PHF3: variants seen among roughly 807,000 people sequenced by gnomAD.
PHF3 encodes the protein PHD finger protein 3.
PHF3 carries 41 observed loss-of-function variants against 178.4 expected under a neutral mutation model. That is an observed-to-expected ratio of 0.23 (90% CI 0.18 to 0.30). The LOEUF is 0.30. Among genes scored for constraint, PHF3 ranks in the 10% least tolerant of loss-of-function variants. PHF3 has a pLI of 1.00. For missense variants in PHF3, 2,346 were observed against 2,398.1 expected, an observed-to-expected ratio of 0.98 and a Z score of 0.45; for synonymous variants, 842 against 800.5, an observed-to-expected ratio of 1.05 and a Z score of -0.88.
In PHF3 at chr6:63,720,850, TTATG is replaced by T. The variant is rs1162806402; in HGVS notation, c.*7145_*7148del. 6.4e-7 allele frequency: 1 copy of T among 1,551,224 alleles called. No homozygotes were observed. The highest frequency in any genetic ancestry group is 1.4e-5 in the African/African-American group (1 of 73,130). On this transcript the variant is annotated 3_prime_UTR_variant, in exon 16 of 16. Coordinates refer to ENST00000262043, the MANE Select transcript of PHF3 (RefSeq NM_001370348.2). ...TCCTCGGAAAGAATTAGACTGTTATTTATGTAGGCCTTGATAAGAGTCTGATTTT... is the reference window on the plus strand; with the variant it reads ...TCCTCGGAAAGAATTAGACTGTTATTTAGGCCTTGATAAGAGTCTGATTTT...
chr6:63,659,387 T>C (rs1765371842), intron 2 of PHF3, among the ~76,000 whole-genome samples: 1 of 152,214 alleles, frequency 6.6e-6, no homozygotes, highest in South Asian at 2.1e-4. Context: ...CTTAGGATTT[T>C]TGAGAAAGTG....
In PHF3 at chr6:63,724,225, C is replaced by T. The variant is rs1231651382; in HGVS notation, c.*10517C>T. Among the ~76,000 whole-genome samples, 1 of 152,154 alleles carries T rather than the reference C, an allele frequency of 6.6e-6. No individual in the cohort carries two copies. The highest frequency in any genetic ancestry group is 1.5e-5 in the Non-Finnish European group (1 of 68,016). ...CTATTTAATGCCCACTCAACCATGGCTGAGGCTTCTCCCACCTTTGTTCTG... is the reference window on the plus strand; with the variant it reads ...CTATTTAATGCCCACTCAACCATGGTTGAGGCTTCTCCCACCTTTGTTCTG... On this transcript the variant is annotated 3_prime_UTR_variant, in exon 16 of 16. Transcript: ENST00000262043.
chr6:63,684,062 T>G, intron 3 of PHF3, 67 bp from the exon 4 acceptor site: 1 of 1,217,944 alleles, frequency 8.2e-7, no homozygotes, highest in Middle Eastern at 2.0e-4. Context: ...TATTCTAAAT[T>G]GTATTGAAAT....
At chr6:63,662,882 T>C (rs1765528798) in intron 2 of PHF3, among the ~76,000 whole-genome samples, 1 of 152,224 alleles carries the variant, frequency 6.6e-6, no homozygotes, top group South Asian at 2.1e-4. Context: ...AAGCTAATTT[T>C]CTATAAACAG....
intron 1 of PHF3, among the ~76,000 whole-genome samples, chr6:63,642,747 G>C (rs1310058688): frequency 1.3e-5 from 2 of 152,022 alleles, no homozygotes; most frequent in Non-Finnish European, 2.9e-5. Context: ...GCCAAATATA[G>C]GAAAGCATTT....
rs777077465 is a variant in PHF3, at chr6:63,684,465, T to G, written c.743T>G (p.Val248Gly). The stretch of plus-strand genomic sequence containing the variant: ...TGTAATAATCCGGGAGAAATAGATG[T>G]GCCATCTCATGAATTAAATTGTTCA... ...HKCNNPGEID[V>G]PSHELNCSLL... The change falls in exon 4 of 16, where the codon GTG becomes GGG. Residue 248 changes from valine to glycine, a missense_variant. This residue lies in a region of PHF3 where 843 missense variants were observed against 795.2 expected (regional missense o/e 1.06). Coordinates refer to ENST00000262043, the MANE Select transcript of PHF3 (RefSeq NM_001370348.2). 1.9e-6 allele frequency: 3 copies of G among 1,613,478 alleles called. No individual in the cohort carries two copies. Among genetic ancestry groups the G allele is most frequent in the Non-Finnish European group, 1.7e-6 (2 of 1,179,406 alleles).
chr6:63,685,859 A>G lies in PHF3; in HGVS notation c.2137A>G (p.Met713Val), dbSNP rs761549783. ...TAGCTCCTCATTTGAAAGCAAATAT[A>G]TGTGGACTCCCAGCAAGCAGTGTGG... Reference protein sequence around the residue: ...DHSSSFESKYMWTPSKQCGFC... With the variant: ...DHSSSFESKYVWTPSKQCGFC... Residue 713 changes from methionine (M) to valine (V), a missense_variant, in exon 4 of 16, where the codon ATG becomes GTG. Met to Val is a conservative substitution (Grantham distance 21). This residue lies in a region of PHF3 where 72 missense variants were observed against 110.5 expected (regional missense o/e 0.65). Transcript: ENST00000262043. 18 of 1,613,552 alleles carry G rather than the reference A, an allele frequency of 1.1e-5. No homozygotes were observed. Among genetic ancestry groups the G allele is most frequent in the East Asian group, 8.9e-5 (4 of 44,888 alleles).
At chr6:63,694,039 A>T (rs1373862599) in intron 5 of PHF3, among the ~76,000 whole-genome samples, 3 of 152,162 alleles carry the variant, frequency 2.0e-5, no homozygotes, top group African/African-American at 7.2e-5. Flanking sequence ...TATATGTCTG[A>T]CTATATAGCG....
intron 2 of PHF3, among the ~76,000 whole-genome samples, chr6:63,656,510 G>A (rs187802118): frequency 2.0e-5 from 3 of 152,254 alleles, no homozygotes; most frequent in East Asian, 3.9e-4. Flanking sequence ...TTTCTGTGCT[G>A]TTACAAGAGA....
At chr6:63,659,277 A>C (rs1024296671) in intron 2 of PHF3, among the ~76,000 whole-genome samples, 90 of 152,340 alleles carry the variant, frequency 5.9e-4, no homozygotes, top group African/African-American at 2.0e-3. Context: ...TAATTAAAAA[A>C]TCAAATTAAC....
chr6:63,709,191 C>T lies in PHF3; in HGVS notation c.3752C>T (p.Pro1251Leu). ...ATTCAAGTAGGTGGCAGGATATCAC[C>T]TCAGACAGTTTGGGATTATGTGGAA... is the stretch of plus-strand genomic sequence containing the variant. ...DSIQVGGRIS[P>L]QTVWDYVEKI... Residue 1251 changes from proline to leucine, a missense_variant, in exon 14 of 16, where the codon CCT becomes CTT. Pro to Leu is a moderately conservative substitution (Grantham distance 98, BLOSUM62 -3). Around this residue, in one of 8 missense-constraint regions of PHF3, gnomAD observed 90 missense variants for 136.6 expected, o/e 0.66. Coordinates refer to ENST00000262043, the MANE Select transcript of PHF3 (RefSeq NM_001370348.2). The T allele has an allele frequency of 2.5e-6, 4 of 1,611,020 alleles. No homozygotes were observed. The highest frequency in any genetic ancestry group is 3.4e-6 in the Non-Finnish European group (4 of 1,178,804).
At position 63,635,939 on chromosome 6, in the gene PHF3, G is replaced by T; in HGVS notation, c.-237G>T. The T allele has an allele frequency of 2.5e-6, 1 of 398,186 alleles. No individual in the cohort carries two copies. The highest frequency in any genetic ancestry group is 4.4e-6 in the Non-Finnish European group (1 of 225,766). 24.7% of individuals were successfully genotyped at this position (398,186 alleles called of 1,614,324 possible). On this transcript the variant is annotated 5_prime_UTR_variant, in exon 1 of 16. Transcript: ENST00000262043. ...TCAGGGCGGCGGCGGCTGCAACGAG[G>T]ATTAGGAGGGCGGCGCGGAAGCCAA...
chr6:63,686,777 T>C (rs977463430), intron 4 of PHF3, among the ~76,000 whole-genome samples: 5 of 152,212 alleles, frequency 3.3e-5, no homozygotes, highest in Non-Finnish European at 1.5e-5. Context: ...ATATTCTTCT[T>C]ATCCTTATTC....
chr6:63,692,175 G>A (rs1034464245), intron 5 of PHF3, 132 bp downstream of exon 5: 6 of 706,264 alleles, frequency 8.5e-6, no homozygotes, highest in Non-Finnish European at 1.4e-5. Context: ...TTCCATGAAA[G>A]TGAATAGGTT....
chr6:63,675,654 T>A (rs1323997056), intron 2 of PHF3, among the ~76,000 whole-genome samples: 1 of 152,196 alleles, frequency 6.6e-6, no homozygotes, highest in Non-Finnish European at 1.5e-5. Context: ...AAATCTTACC[T>A]TTGAGAAACA....
Position 63,635,893 on chromosome 6 carries a change from C to G in PHF3, c.-283C>G, listed in dbSNP as rs930101460. The G allele has an allele frequency of 1.5e-5, 6 of 397,788 alleles. No individual in the cohort carries two copies. Among genetic ancestry groups the G allele is most frequent in the African/African-American group, 1.0e-4 (5 of 48,570 alleles). The allele number at this position is 397,788 out of a possible 1,614,324, so 24.6% of individuals were successfully genotyped here. The stretch of plus-strand genomic sequence containing the variant: ...GTCTCGCGCCGTCGCACCGTCCCCA[C>G]GCGGCAAGCGACCTTCGGGCTCAGG... On this transcript the variant is annotated 5_prime_UTR_variant, in exon 1 of 16. Coordinates refer to ENST00000262043, the MANE Select transcript of PHF3 (RefSeq NM_001370348.2).
intron 2 of PHF3, among the ~76,000 whole-genome samples, chr6:63,661,502 G>A (rs191010728): frequency 6.6e-5 from 10 of 152,238 alleles, no homozygotes; most frequent in Middle Eastern, 3.4e-3. Flanking sequence ...AAACTGGAAA[G>A]AAATTTCAAC....
In PHF3 at chr6:63,635,856, G is replaced by C. The variant is rs1289121896; in HGVS notation, c.-320G>C. ...AGCTCCCGCGCCGCCGCCGCACGCCGATGGCTGCGGGGTCTCGCGCCGTCG... is the reference window on the plus strand; with the variant it reads ...AGCTCCCGCGCCGCCGCCGCACGCCCATGGCTGCGGGGTCTCGCGCCGTCG... On this transcript the variant is annotated 5_prime_UTR_variant, in exon 1 of 16. Coordinates refer to ENST00000262043, the MANE Select transcript of PHF3 (RefSeq NM_001370348.2). 2.5e-6 allele frequency: 1 copy of C among 396,962 alleles called. No individual in the cohort carries two copies. The highest frequency in any genetic ancestry group is 4.4e-6 in the Non-Finnish European group (1 of 224,952). 24.6% of individuals were successfully genotyped at this position (396,962 alleles called of 1,614,324 possible).
rs771436459 is a variant in PHF3 at position 63,694,641 on chromosome 6, C to G, written c.2557C>G (p.Leu853Val). 6.3e-7 allele frequency: 1 copy of G among 1,587,378 alleles called. No individual in the cohort carries two copies. The highest frequency in any genetic ancestry group is 8.6e-7 in the Non-Finnish European group (1 of 1,165,752). Residue 853 changes from leucine to valine, a missense_variant, in exon 6 of 16, where the codon CTA becomes GTA. Physicochemically the swap from Leu to Val is conservative, Grantham distance 32 (BLOSUM62 1). Around this residue, in one of 8 missense-constraint regions of PHF3, gnomAD observed 252 missense variants for 232.0 expected, o/e 1.09. Transcript: ENST00000262043. ...AGATAATGAAATTAAAAAATGGCAGCTAGCTCCTCTTCGTAAGATGGGACA... is the reference window on the plus strand; with the variant it reads ...AGATAATGAAATTAAAAAATGGCAGGTAGCTCCTCTTCGTAAGATGGGACA... ...CRDNEIKKWQ[L>V]APLRKMGQPV...
Sources: allele counts gnomAD v4.1 joint callset (sites outside exome capture counted in the v4.1 genomes callset), GRCh38; gene constraint gnomAD v4.1.1; regional missense constraint gnomAD v4.1.1; transcripts MANE v1.5; gene names NCBI Gene and HGNC (gene_info 2026-07-23, HGNC 2026-07-21).